CEP131: variants seen among roughly 807,000 people sequenced by gnomAD.
CEP131 encodes the protein centrosomal protein of 131 kDa.
Under a neutral mutation model 136.8 loss-of-function variants are expected in CEP131, and 99 were observed. The observed-to-expected ratio is 0.72, with a 90% CI of 0.62 to 0.86. The LOEUF (loss-of-function observed/expected upper bound fraction) is 0.86. CEP131 is among the 40% of genes least tolerant of loss of function. The probability of loss-of-function intolerance (pLI) is 0.00; values close to 1 mark genes in which losing one functional copy is unlikely to be tolerated. For synonymous variants in CEP131, 646 were observed against 612.7 expected (o/e 1.05, Z -0.80); for missense variants, 1,459 against 1,463.0 (o/e 1.00, Z 0.04).
rs200808674 is a variant in CEP131, at chr17:81,192,466, G to A, written c.2547+10C>T. On this transcript the variant is annotated intron_variant, in intron 20 of 25. Coordinates refer to ENST00000450824, the MANE Select transcript of CEP131 (RefSeq NM_014984.4). ...CTGGCCAGGCCCAGCACAGCCCTCC[G>A]GTGGTAGACCTGGTGCCGGCGCTCC... 1.7e-5 allele frequency: 27 copies of A among 1,611,932 alleles called. No homozygotes were observed. Among genetic ancestry groups the A allele is most frequent in the Admixed American group, 8.3e-5 (5 of 59,980 alleles).
chr17:81,199,105 C>T (rs1312737697), intron 10 of CEP131, 134 bp from the exon 11 acceptor site: 49 of 903,056 alleles, frequency 5.4e-5, no homozygotes, highest in Middle Eastern at 3.5e-4. Flanking sequence ...CGCTGGGGAG[C>T]CACGGCCTTC....
intron 1 of CEP131, among the ~76,000 whole-genome samples, chr17:81,221,705 T>C (rs907215752): frequency 2.0e-5 from 3 of 152,214 alleles, no homozygotes; most frequent in Non-Finnish European, 4.4e-5. Flanking sequence ...TCCCTTCCTG[T>C]GGCCGCACAC....
In CEP131 at chr17:81,194,905, TC is replaced by T; in HGVS notation, c.2083del (p.Glu695ArgfsTer21). 6.2e-7 allele frequency: 1 copy of T among 1,613,304 alleles called. No individual in the cohort carries two copies. Among genetic ancestry groups the T allele is most frequent in the Non-Finnish European group, 8.5e-7 (1 of 1,179,952 alleles). On this transcript the variant is annotated frameshift_variant, in exon 17 of 26. Transcript: ENST00000450824. LOFTEE classifies it high-confidence loss of function. Reference sequence around the variant, plus strand: ...GACCTCCTTGATCTTCTTGGTTTTCTCACTGATCCACTTCTCCCGGCGGGCT... The same window carrying T: ...GACCTCCTTGATCTTCTTGGTTTTCTACTGATCCACTTCTCCCGGCGGGCT... The part of the protein sequence containing the change: ...EKARREKWIS[E>X]KTKKIKEVTV...
intron 5 of CEP131, among the ~76,000 whole-genome samples, chr17:81,205,002 T>C (rs1216138239): frequency 6.6e-6 from 1 of 152,164 alleles, no homozygotes; most frequent in Non-Finnish European, 1.5e-5. Context: ...GGCTCACACC[T>C]ATAATCCTAG....
intron 21 of CEP131, among the ~76,000 whole-genome samples, chr17:81,191,804 C>A (rs1281104196): frequency 6.6e-6 from 1 of 152,200 alleles, no homozygotes; most frequent in Non-Finnish European, 1.5e-5. Flanking sequence ...ACTGCCAAAG[C>A]CTGCCTGGCT....
Position 81,197,774 on chromosome 17 carries a change from T to A in CEP131, c.1585A>T (p.Ile529Phe). The change falls in exon 13 of 26, where the codon ATC becomes TTC. Residue 529 changes from isoleucine to phenylalanine, a missense_variant. Around this residue, in one of 3 missense-constraint regions of CEP131, gnomAD observed 1,026 missense variants for 964.2 expected, o/e 1.06. Transcript: ENST00000450824. ...TCCATCTCGTCCAAGAAGCTCATGA[T>A]GCTTTGTAGCTTGGCCTCCGATAGC... ...TLLSEAKLQSIMSFLDEMEKS... is the reference protein window; with the variant it reads ...TLLSEAKLQSFMSFLDEMEKS... 1 of 1,613,220 alleles carries A rather than the reference T, an allele frequency of 6.2e-7. No homozygotes were observed. Among genetic ancestry groups the A allele is most frequent in the Non-Finnish European group, 8.5e-7 (1 of 1,179,938 alleles).
In CEP131 at chr17:81,191,179, T is replaced by C. The variant is rs1224439451; in HGVS notation, c.2765+14A>G. 3 of 1,610,218 alleles carry C rather than the reference T, an allele frequency of 1.9e-6. No individual in the cohort carries two copies. The highest frequency in any genetic ancestry group is 1.7e-6 in the Non-Finnish European group (2 of 1,178,154). ...GCCTCCCCAGCTGGTGACCCAGCCA[T>C]GGCGGGTCCTTACCGGCTCTCGGCA... On this transcript the variant is annotated intron_variant, in intron 22 of 25. Coordinates refer to ENST00000450824, the MANE Select transcript of CEP131 (RefSeq NM_014984.4).
chr17:81,191,313 T>C lies in CEP131; in HGVS notation c.2645A>G (p.Glu882Gly), dbSNP rs2061635970. 6.2e-7 allele frequency: 1 copy of C among 1,613,146 alleles called. No homozygotes were observed. The highest frequency in any genetic ancestry group is 8.5e-7 in the Non-Finnish European group (1 of 1,179,934). ...RKEEAWLLNR[E>G]QELREEIRKG... ...CCGGATTTCTTCCCTCAGCTCCTGT[T>C]CCCGGTTCAGCAGCCACGCCTCCTG... Residue 882 changes from glutamate (E) to glycine (G), a missense_variant, in exon 22 of 26, where the codon GAA becomes GGA. Physicochemically the swap from Glu to Gly is moderately conservative, Grantham distance 98. Transcript: ENST00000450824.
At chr17:81,199,037 AC>A (rs2061831543) in intron 10 of CEP131, 66 bp from the exon 11 acceptor site, 3 of 1,401,456 alleles carry the variant, frequency 2.1e-6, no homozygotes, top group Middle Eastern at 2.6e-4. Context: ...CTCTGGAGGC[AC>A]CCCCGGGAAG....
chr17:81,191,460 C>A, intron 21 of CEP131, 125 bp from the exon 22 acceptor site: 1 of 844,944 alleles, frequency 1.2e-6, no homozygotes, highest in South Asian at 1.6e-5. Flanking sequence ...CCTTCCCCCT[C>A]TCCAGACCCC....
intron 1 of CEP131, among the ~76,000 whole-genome samples, chr17:81,221,110 G>T (rs2062377194): frequency 7.3e-6 from 1 of 136,312 alleles, no homozygotes; most frequent in Non-Finnish European, 1.5e-5. Flanking sequence ...GGGCAACATA[G>T]CGAGACTCCA....
chr17:81,200,051 G>T (rs2061855550), intron 8 of CEP131: 1 of 614,094 alleles, frequency 1.6e-6, no homozygotes, highest in Non-Finnish European at 2.9e-6. Flanking sequence ...GTTCTGGCGT[G>T]GGGGAGACAG....
At position 81,203,197 on chromosome 17, in the gene CEP131, T is replaced by C. The variant is rs1005074223; in HGVS notation, c.629+297A>G. Reference sequence around the variant, plus strand: ...CCTCAGGGTGAGCCCCAGACCTCACTGTGCCACATCTGGGCTGTTTTCTCT... The same window carrying C: ...CCTCAGGGTGAGCCCCAGACCTCACCGTGCCACATCTGGGCTGTTTTCTCT... On this transcript the variant is annotated intron_variant, in intron 6 of 25. Coordinates refer to ENST00000450824, the MANE Select transcript of CEP131 (RefSeq NM_014984.4). The surrounding 1 kb of genome is among the most constrained non-coding windows in gnomAD (Gnocchi z 4.6). 2.6e-5 allele frequency among the ~76,000 whole-genome samples: 4 copies of C among 152,082 alleles called. No individual in the cohort carries two copies. The highest frequency in any genetic ancestry group is 4.4e-5 in the Non-Finnish European group (3 of 67,994).
At position 81,195,671 on chromosome 17, in the gene CEP131, G is replaced by A. The variant is rs867940094; in HGVS notation, c.2016+164C>T. ...TAGAGAGGCAGGAGTGGACCAGCTC[G>A]GTGCCACGGTGCTCCCCCAGACAGC... is the stretch of plus-strand genomic sequence containing the variant. On this transcript the variant is annotated intron_variant, in intron 16 of 25. Coordinates refer to ENST00000450824, the MANE Select transcript of CEP131 (RefSeq NM_014984.4). Among the ~76,000 whole-genome samples, 9 of 152,248 alleles carry A rather than the reference G, an allele frequency of 5.9e-5. 1 individual carries two copies. In the Middle Eastern group the frequency reaches 0.017, roughly 288 times the overall value.
rs142545284 is a variant in CEP131 at position 81,198,922 on chromosome 17, G to C, written c.1242C>G (p.Ser414=). 2 of 1,593,058 alleles carry C rather than the reference G, an allele frequency of 1.3e-6. No individual in the cohort carries two copies. Among genetic ancestry groups the C allele is most frequent in the African/African-American group, 1.3e-5 (1 of 74,614 alleles). ...GCTGCTGTGGTTCTGGGGATGAGTCGGAGGTGGGCAGGCAGCGGTCTCCGG... is the reference window on the plus strand; with the variant it reads ...GCTGCTGTGGTTCTGGGGATGAGTCCGAGGTGGGCAGGCAGCGGTCTCCGG... The part of the protein sequence containing the change: ...AGPGDRCLPT[S]DSSPEPQQPP... The change falls in exon 11 of 26, where the codon TCC becomes TCG. Residue 414 remains serine, a synonymous_variant. Coordinates refer to ENST00000450824, the MANE Select transcript of CEP131 (RefSeq NM_014984.4).
chr17:81,222,505 G>A (rs1383797576), intron 1 of CEP131, among the ~76,000 whole-genome samples: 1 of 152,172 alleles, frequency 6.6e-6, no homozygotes, highest in African/African-American at 2.4e-5. Flanking sequence ...GGGGATGGAG[G>A]TGGGGACCCA....
chr17:81,204,587 GC>G (rs2061963289), intron 5 of CEP131, among the ~76,000 whole-genome samples: 3 of 152,046 alleles, frequency 2.0e-5, no homozygotes, highest in Admixed American at 2.0e-4. Flanking sequence ...AGACATCTGG[GC>G]AAAGACCAAC....
Position 81,199,418 on chromosome 17 carries a change from G to A in CEP131, c.1155C>T (p.Gly385=), listed in dbSNP as rs773578456. Reference sequence around the variant, plus strand: ...CCTTGAGGGCCTGGTGGGCAGTGCCGCCTGGTGTGGGGGACAGCTCCTGAG... The same window carrying A: ...CCTTGAGGGCCTGGTGGGCAGTGCCACCTGGTGTGGGGGACAGCTCCTGAG... ...QPAQELSPTP[G]GTAHQALKAN... is the part of the protein sequence containing the mutation. The change falls in exon 10 of 26, where the codon GGC becomes GGT. Residue 385 remains glycine (G), a synonymous_variant. Coordinates refer to ENST00000450824, the MANE Select transcript of CEP131 (RefSeq NM_014984.4). The A allele has an allele frequency of 4.1e-5, 66 of 1,606,070 alleles. No individual in the cohort carries two copies. Among genetic ancestry groups the A allele is most frequent in the Non-Finnish European group, 5.3e-5 (62 of 1,177,528 alleles).
intron 6 of CEP131, 109 bp from the exon 7 acceptor site, chr17:81,202,507 T>C: frequency 3.7e-6 from 5 of 1,350,726 alleles, no homozygotes; most frequent in Non-Finnish European, 5.0e-6. Context: ...CTGGAAGTGG[T>C]GCTGGCAGGC....
Sources: gnomAD v4.1 joint callset for allele counts (sites outside exome capture counted in the v4.1 genomes callset) on GRCh38, gnomAD v4.1.1 for gene constraint, gnomAD v4.1.1 regional missense constraint, Gnocchi (gnomAD v3.1) non-coding constraint, MANE v1.5 for transcripts, NCBI Gene and HGNC (gene_info 2026-07-23, HGNC 2026-07-21) for gene names.